Variants in MYLK3 observed in about 807,000 individuals in gnomAD.
MYLK3 encodes MLC kinase.
Under a neutral mutation model 76.3 loss-of-function variants are expected in MYLK3, and 55 were observed. That is an observed-to-expected ratio of 0.72 (90% confidence interval 0.58 to 0.90). MYLK3 has a LOEUF of 0.90. MYLK3 is among the 40% of genes least tolerant of loss of function. The pLI, the probability that MYLK3 is intolerant of heterozygous loss-of-function variation, is 0.00. For missense variants in MYLK3, 973 were observed against 1,053.6 expected, an observed-to-expected ratio of 0.92 and a Z score of 1.06; for synonymous variants, 416 against 425.4, an observed-to-expected ratio of 0.98 and a Z score of 0.27.
At chr16:46,747,645 C>A in intron 1 of MYLK3, 72 bp downstream of exon 1, 1 of 1,458,558 alleles carries the variant, frequency 6.9e-7, no homozygotes, top group East Asian at 2.3e-5. Flanking sequence ...TCTCCAAACA[C>A]TGGCTGCCTG....
At chr16:46,720,932 A>G (rs1376554843) in intron 9 of MYLK3, among the ~76,000 whole-genome samples, 191 bp downstream of exon 9, 2 of 152,128 alleles carry the variant, frequency 1.3e-5, no homozygotes, top group Admixed American at 6.5e-5. Flanking sequence ...CAGAGCCCAC[A>G]GCACAAAGCC....
intron 1 of MYLK3, among the ~76,000 whole-genome samples, chr16:46,754,497 G>GT (rs1488490068): frequency 6.6e-6 from 1 of 152,064 alleles, no homozygotes; most frequent in Non-Finnish European, 1.5e-5. Flanking sequence ...TTTCATAAGA[G>GT]GAGGAACAGA....
At chr16:46,747,692 C>T in intron 1 of MYLK3, 25 bp downstream of exon 1, 1 of 1,596,634 alleles carries the variant, frequency 6.3e-7, no homozygotes, top group Non-Finnish European at 8.6e-7. Flanking sequence ...TCCCATCCAG[C>T]CAGGGCAGGG....
intron 3 of MYLK3, among the ~76,000 whole-genome samples, chr16:46,737,164 C>T (rs1034452284): frequency 1.3e-5 from 2 of 152,220 alleles, no homozygotes; most frequent in Non-Finnish European, 2.9e-5. Context: ...TCCGGTAACC[C>T]GGATTCAGAT....
intron 5 of MYLK3, 121 bp from the exon 6 acceptor site, chr16:46,729,808 T>A: frequency 1.2e-6 from 1 of 823,134 alleles, no homozygotes; most frequent in Non-Finnish European, 2.0e-6. Flanking sequence ...CATCCCAGAG[T>A]GCAGCCTGTC....
intron 3 of MYLK3, among the ~76,000 whole-genome samples, chr16:46,733,926 G>A (rs1169426806): frequency 2.6e-5 from 4 of 152,170 alleles, no homozygotes; most frequent in African/African-American, 9.7e-5. Context: ...TGCACCAAGA[G>A]TCAACCAAGA....
chr16:46,728,732 T>G (rs541973433), intron 7 of MYLK3, among the ~76,000 whole-genome samples: 1 of 152,186 alleles, frequency 6.6e-6, no homozygotes, highest in African/African-American at 2.4e-5. Flanking sequence ...AAAAAAAGTT[T>G]CAATTTAATT....
At chr16:46,744,390 C>A (rs1555471401) in intron 1 of MYLK3, among the ~76,000 whole-genome samples, 2 of 115,428 alleles carry the variant, frequency 1.7e-5, no homozygotes, top group Non-Finnish European at 3.3e-5. Context: ...GCCCAGGCTG[C>A]AGTATGGTGG....
intron 10 of MYLK3, among the ~76,000 whole-genome samples, chr16:46,712,035 G>A (rs187197704): frequency 2.5e-4 from 38 of 149,376 alleles, no homozygotes; most frequent in African/African-American, 8.9e-4. Context: ...CTGTCACTCA[G>A]GCTGGAATGC....
intron 8 of MYLK3, chr16:46,725,857 G>T (rs1161196595): frequency 6.6e-6 from 1 of 152,086 alleles, no homozygotes; most frequent in Non-Finnish European, 1.5e-5. Flanking sequence ...CAAACATTTG[G>T]TTTTTATTGC....
intron 4 of MYLK3, among the ~76,000 whole-genome samples, chr16:46,731,353 T>C (rs1167355146): frequency 1.3e-5 from 2 of 152,256 alleles, no homozygotes; most frequent in Non-Finnish European, 2.9e-5. Context: ...GGTTGTTTTA[T>C]TTTAATCTTG....
At position 46,738,143 on chromosome 16, in the gene MYLK3, T is replaced by G; in HGVS notation, c.569A>C (p.Glu190Ala). The change falls in exon 3 of 13, where the codon GAG becomes GCG. Residue 190 changes from glutamate to alanine, a missense_variant and splice_region_variant. By Grantham distance (107) the Glu-to-Ala change is moderately radical. Coordinates refer to ENST00000394809, the MANE Select transcript of MYLK3 (RefSeq NM_182493.3). ...VQSDAREPGE[E>A]SQKADVLEGT... ...CTCCAGCACGTCCGCCTTCTGGCTCTCTACAGGAAAACAGGCAGGACAAAA... is the reference window on the plus strand; with the variant it reads ...CTCCAGCACGTCCGCCTTCTGGCTCGCTACAGGAAAACAGGCAGGACAAAA... 1.3e-6 allele frequency: 2 copies of G among 1,518,472 alleles called. No individual in the cohort carries two copies. Among genetic ancestry groups the G allele is most frequent in the Non-Finnish European group, 1.8e-6 (2 of 1,137,272 alleles). 94.1% of individuals were successfully genotyped at this position (1,518,472 alleles called of 1,614,324 possible). A position where few individuals can be genotyped will look rare whatever the true frequency, so the allele number is the denominator to read the frequency against.
intron 1 of MYLK3, among the ~76,000 whole-genome samples, chr16:46,741,824 G>A (rs1050676471): frequency 4.0e-5 from 6 of 150,260 alleles, no homozygotes; most frequent in African/African-American, 1.2e-4. Context: ...AGCCTGGAGT[G>A]CAGTGGTTGG....
At chr16:46,734,482 C>A (rs757610501) in intron 3 of MYLK3, among the ~76,000 whole-genome samples, 7 of 152,118 alleles carry the variant, frequency 4.6e-5, no homozygotes, top group Non-Finnish European at 8.8e-5. Flanking sequence ...AGTGTGGTGG[C>A]ACGTGCTTGT....
chr16:46,737,138 G>C (rs896377179), intron 3 of MYLK3, among the ~76,000 whole-genome samples: 1 of 152,182 alleles, frequency 6.6e-6, no homozygotes, highest in Non-Finnish European at 1.5e-5. Flanking sequence ...CAGTGATTGG[G>C]GCACAGGTTC....
chr16:46,730,535 C>T (rs1297233029), intron 5 of MYLK3, 58 bp downstream of exon 5: 25 of 1,467,934 alleles, frequency 1.7e-5, no homozygotes, highest in Admixed American at 8.4e-5. Flanking sequence ...CAGGTGGTCC[C>T]GACCCTGCCC....
chr16:46,757,973 T>C (rs1967222191), intron 1 of MYLK3, among the ~76,000 whole-genome samples: 1 of 152,136 alleles, frequency 6.6e-6, no homozygotes, highest in Non-Finnish European at 1.5e-5. Context: ...GTGGCGGCCC[T>C]GCAGGTCTTC....
intron 1 of MYLK3, among the ~76,000 whole-genome samples, chr16:46,761,876 C>A (rs1967279723): frequency 6.7e-6 from 1 of 148,382 alleles, no homozygotes; most frequent in Admixed American, 6.8e-5. Context: ...TATTGCACTG[C>A]ATGTAAGTCA....
At chr16:46,752,234 A>G (rs1221140362), upstream of MYLK3, among the ~76,000 whole-genome samples, 1 of 151,488 alleles carries the variant, frequency 6.6e-6, no homozygotes, top group Non-Finnish European at 1.5e-5. Context: ...CCCTCATTTT[A>G]TTTTACTTTG....
Sources: allele counts gnomAD v4.1 joint callset (sites outside exome capture counted in the v4.1 genomes callset), GRCh38; gene constraint gnomAD v4.1.1; transcripts MANE v1.5; gene names NCBI Gene and HGNC (gene_info 2026-07-23, HGNC 2026-07-21).